The following CADM3 variants were observed in gnomAD, a reference collection of about 807,000 sequenced individuals.
CADM3 encodes cell adhesion molecule 3.
Under a neutral mutation model 44.9 loss-of-function variants are expected in CADM3, and 11 were observed. That is an observed-to-expected ratio of 0.25 (90% CI 0.15 to 0.41). The LOEUF is 0.41. CADM3 is among the 10% of genes least tolerant of loss of function. CADM3 has a pLI of 1.00. For missense variants in CADM3, 426 were observed against 512.0 expected, an observed-to-expected ratio of 0.83 and a Z score of 1.62; for synonymous variants, 207 against 205.2, an observed-to-expected ratio of 1.01 and a Z score of -0.08.
chr1:159,178,813 G>A (rs1050694402), intron 1 of CADM3, among the ~76,000 whole-genome samples: 1 of 152,048 alleles, frequency 6.6e-6, no homozygotes, highest in Non-Finnish European at 1.5e-5. Context: ...TCTTCACATC[G>A]CATCAGAACT....
At chr1:159,194,163 C>T (rs995925425) in intron 5 of CADM3, 123 bp downstream of exon 5, 4 of 1,064,802 alleles carry the variant, frequency 3.8e-6, no homozygotes, top group African/African-American at 3.2e-5. Context: ...AAAAATGAAA[C>T]AAAGACTGCC....
intron 1 of CADM3, chr1:159,189,914 C>T (rs375535675): frequency 1.5e-6 from 2 of 1,310,968 alleles, no homozygotes; most frequent in East Asian, 2.5e-5. Context: ...CCTCAGTTCC[C>T]TCACTCATCC....
chr1:159,183,794 A>G (rs1382809489), intron 1 of CADM3, among the ~76,000 whole-genome samples: 1 of 152,206 alleles, frequency 6.6e-6, no homozygotes, highest in African/African-American at 2.4e-5. Context: ...TAGGAATTTA[A>G]TGGGGGACAG....
At chr1:159,189,784 G>C (rs966896778) in intron 1 of CADM3, 1 of 1,606,294 alleles carries the variant, frequency 6.2e-7, no homozygotes, top group African/African-American at 1.3e-5. Context: ...ACTGGCAGGA[G>C]CAGGATTTGG....
chr1:159,178,387 T>G (rs1649104596), intron 1 of CADM3: 1 of 152,150 alleles, frequency 6.6e-6, no homozygotes, highest in South Asian at 2.1e-4. Flanking sequence ...TCCCTCAACC[T>G]TAGCAAAGAC....
rs1571002144 is a variant in CADM3 at position 159,174,372 on chromosome 1, A to G, written c.88+2519A>G. Among the ~76,000 whole-genome samples, 6 of 152,306 alleles carry G rather than the reference A, an allele frequency of 3.9e-5. No homozygotes were observed. In the South Asian group the frequency reaches 1.2e-3, roughly 32 times the overall value. ...CATGGACATGTGTTTCGTACCCCTG[A>G]GTTGGCCTGGGGCCCCTAGGAAGAG... is the stretch of plus-strand genomic sequence containing the variant. On this transcript the variant is annotated intron_variant, in intron 1 of 8. Coordinates refer to ENST00000368125, the MANE Select transcript of CADM3 (RefSeq NM_001127173.3).
intron 1 of CADM3, among the ~76,000 whole-genome samples, chr1:159,187,665 G>C (rs1160778511): frequency 2.0e-5 from 3 of 152,162 alleles, no homozygotes; most frequent in Non-Finnish European, 4.4e-5. Flanking sequence ...CCAATACCGA[G>C]GGACTGAGTG....
chr1:159,187,129 C>T (rs540696106), intron 1 of CADM3, among the ~76,000 whole-genome samples: 1 of 152,200 alleles, frequency 6.6e-6, no homozygotes, highest in Non-Finnish European at 1.5e-5. Flanking sequence ...AAAGAAGAAG[C>T]AGCAGAGTGA....
At position 159,200,851 on chromosome 1, in the gene CADM3, G is replaced by C; in HGVS notation, c.1126G>C (p.Ala376Pro). 6.2e-7 allele frequency: 1 copy of C among 1,611,318 alleles called. No homozygotes were observed. The highest frequency in any genetic ancestry group is 8.5e-7 in the Non-Finnish European group (1 of 1,178,614). ...AAAAGGCTCCGACGATGCTCCAGAC[G>C]CGGACACGGCCATCATCAATGCAGA... ...EAKGSDDAPD[A>P]DTAIINAEGG... The change falls in exon 9 of 9, where the codon GCG becomes CCG. Residue 376 changes from alanine to proline, a missense_variant. Ala to Pro is a conservative substitution (Grantham distance 27). Around this residue, in one of 2 missense-constraint regions of CADM3, gnomAD observed 362 missense variants for 474.6 expected, o/e 0.76. Coordinates refer to ENST00000368125, the MANE Select transcript of CADM3 (RefSeq NM_001127173.3).
At chr1:159,194,632 G>A (rs909930601) in intron 5 of CADM3, 1 of 152,204 alleles carries the variant, frequency 6.6e-6, no homozygotes, top group African/African-American at 2.4e-5. Flanking sequence ...GAAAATATGG[G>A]TGGTAGGAAA....
At chr1:159,180,533 A>G (rs1411793245) in intron 1 of CADM3, among the ~76,000 whole-genome samples, 27 of 152,212 alleles carry the variant, frequency 1.8e-4, no homozygotes, top group Admixed American at 1.8e-3. Flanking sequence ...AAATTCTCAC[A>G]AAGTGAGGCT....
Position 159,197,057 on chromosome 1 carries a change from A to G in CADM3, c.949A>G (p.Asn317Asp). 1 of 1,613,968 alleles carries G rather than the reference A, an allele frequency of 6.2e-7. No individual in the cohort carries two copies. Among genetic ancestry groups the G allele is most frequent in the Non-Finnish European group, 8.5e-7 (1 of 1,179,882 alleles). ...CAAGGCCTACTACACCCTCAATGTT[A>G]ATGGTAAGCCCTCCTCAGTTCTCTT... ...SYKAYYTLNV[N>D]DPSPVPSSSS... Residue 317 changes from asparagine (N) to aspartate (D), a missense_variant, in exon 7 of 9, where the codon AAT becomes GAT. By Grantham distance (23) the Asn-to-Asp change is conservative (BLOSUM62 1). Around this residue, in one of 2 missense-constraint regions of CADM3, gnomAD observed 362 missense variants for 474.6 expected, o/e 0.76. Transcript: ENST00000368125.
intron 1 of CADM3, among the ~76,000 whole-genome samples, chr1:159,189,423 T>C (rs1284487700): frequency 1.3e-5 from 2 of 152,230 alleles, no homozygotes; most frequent in African/African-American, 2.4e-5. Flanking sequence ...TCTAGTGAAC[T>C]TCACCAAGTC....
chr1:159,185,522 TA>T lies in CADM3; in HGVS notation c.89-6413del, dbSNP rs201209140. ...CCATCCTATCCCAGTACTTATTAGA[TA>T]CATCATAAGGACAAGTTTCTTAACT... On this transcript the variant is annotated intron_variant, in intron 1 of 8. Transcript: ENST00000368125. Among the ~76,000 whole-genome samples the T allele has an allele frequency of 8.9e-3, 1,356 of 152,352 alleles. 24 individuals are homozygous for T. The highest frequency in any genetic ancestry group is 0.031 in the African/African-American group (1,276 of 41,568).
chr1:159,196,923 G>C lies in CADM3; in HGVS notation c.815G>C (p.Ser272Thr). The change falls in exon 7 of 9, where the codon AGT becomes ACT. Residue 272 changes from serine (S) to threonine (T), a missense_variant. Physicochemically the swap from Ser to Thr is moderately conservative, Grantham distance 58. Around this residue, in one of 2 missense-constraint regions of CADM3, gnomAD observed 362 missense variants for 474.6 expected, o/e 0.76. Coordinates refer to ENST00000368125, the MANE Select transcript of CADM3 (RefSeq NM_001127173.3). ...CAGTACCTATGGGAGAAGGAGGGCA[G>C]TGTGCCACCCCTGAAGATGACCCAG... is the stretch of plus-strand genomic sequence containing the variant. ...PQQYLWEKEG[S>T]VPPLKMTQES... The C allele has an allele frequency of 6.2e-7, 1 of 1,614,040 alleles. No homozygotes were observed. Among genetic ancestry groups the C allele is most frequent in the Non-Finnish European group, 8.5e-7 (1 of 1,179,980 alleles).
At chr1:159,199,927 C>G in intron 8 of CADM3, 51 bp downstream of exon 8, 1 of 1,595,084 alleles carries the variant, frequency 6.3e-7, no homozygotes, top group Non-Finnish European at 8.6e-7. Flanking sequence ...GCAGGGAGAC[C>G]AATCAGAGGC....
At chr1:159,188,665 G>T (rs1371166489) in intron 1 of CADM3, among the ~76,000 whole-genome samples, 1 of 152,140 alleles carries the variant, frequency 6.6e-6, no homozygotes, top group African/African-American at 2.4e-5. Context: ...GCTGCGGCGG[G>T]AGACCCTGAA....
At chr1:159,192,488 C>T (rs1032328444) in intron 2 of CADM3, 90 bp from the exon 3 acceptor site, 3 of 1,501,152 alleles carry the variant, frequency 2.0e-6, no homozygotes, top group African/African-American at 2.7e-5. Flanking sequence ...ATACTAGACC[C>T]CTTCCCCCAA....
In CADM3 at chr1:159,193,922, C is replaced by G; in HGVS notation, c.573C>G (p.Ser191Arg). ...CCAATGGTAAAACCTTCACTGTCAG[C>G]AGCTCGGTGACATTCCAGGTTACCC... ...EDPNGKTFTVSSSVTFQVTRE... is the reference protein window; with the variant it reads ...EDPNGKTFTVRSSVTFQVTRE... The change falls in exon 5 of 9, where the codon AGC becomes AGG. Residue 191 changes from serine (S) to arginine (R), a missense_variant. Ser to Arg is a moderately radical substitution (Grantham distance 110, BLOSUM62 -1). Coordinates refer to ENST00000368125, the MANE Select transcript of CADM3 (RefSeq NM_001127173.3). 6.2e-7 allele frequency: 1 copy of G among 1,614,202 alleles called. No homozygotes were observed. Among genetic ancestry groups the G allele is most frequent in the Non-Finnish European group, 8.5e-7 (1 of 1,180,040 alleles).
Sources: allele counts gnomAD v4.1 joint callset (sites outside exome capture counted in the v4.1 genomes callset), GRCh38; gene constraint gnomAD v4.1.1; regional missense constraint gnomAD v4.1.1; transcripts MANE v1.5; gene names NCBI Gene and HGNC (gene_info 2026-07-23, HGNC 2026-07-21).